CPNE8: variants seen among roughly 807,000 people sequenced by gnomAD.
CPNE8 encodes copine-8.
In CPNE8, 45 loss-of-function variants were observed where a neutral mutation model predicts 81.5. The observed-to-expected ratio is 0.55, with a 90% CI of 0.44 to 0.71. The LOEUF (loss-of-function observed/expected upper bound fraction) is 0.71. Among genes scored for constraint, CPNE8 ranks in the 30% least tolerant of loss-of-function variants. The pLI is 0.00. For missense variants in CPNE8, 594 were observed against 672.1 expected, an observed-to-expected ratio of 0.88 and a Z score of 1.28; for synonymous variants, 252 against 226.3, an observed-to-expected ratio of 1.11 and a Z score of -1.02.
rs529909358 is a variant in CPNE8, at chr12:38,835,240, C to T, written c.330+4676G>A. On this transcript the variant is annotated intron_variant, in intron 5 of 19. Transcript: ENST00000331366. ...ACTGTTCTTCCTTTTGCCTGGGATG[C>T]TGTTCTCCTAGATTTTCAATCATTC... 2.6e-5 allele frequency among the ~76,000 whole-genome samples: 4 copies of T among 152,182 alleles called. No individual in the cohort carries two copies. The South Asian group carries it at 8.3e-4, about 32-fold the overall frequency.
At chr12:38,836,824 T>C (rs931912160) in intron 5 of CPNE8, among the ~76,000 whole-genome samples, 5 of 152,198 alleles carry the variant, frequency 3.3e-5, no homozygotes, top group African/African-American at 1.2e-4. Flanking sequence ...GCTATATGCG[T>C]CTTTACCTAA....
intron 4 of CPNE8, among the ~76,000 whole-genome samples, chr12:38,847,917 C>T (rs975574794): frequency 6.6e-6 from 1 of 151,906 alleles, no homozygotes; most frequent in Non-Finnish European, 1.5e-5. Context: ...ACCCACCTGC[C>T]CACAACAGAT....
At chr12:38,730,437 T>G in intron 10 of CPNE8, 79 bp from the exon 11 acceptor site, 1 of 713,812 alleles carries the variant, frequency 1.4e-6, no homozygotes, top group Non-Finnish European at 2.4e-6. Context: ...TAGAAAGGTT[T>G]AATCATTATC....
chr12:38,775,342 T>C (rs2136888543), intron 7 of CPNE8, among the ~76,000 whole-genome samples: 1 of 152,292 alleles, frequency 6.6e-6, no homozygotes, highest in African/African-American at 2.4e-5. Flanking sequence ...AAAAGACAAC[T>C]TTTTGAGATA....
intron 5 of CPNE8, among the ~76,000 whole-genome samples, chr12:38,836,119 G>A (rs1592129144): frequency 6.6e-6 from 1 of 152,184 alleles, no homozygotes; most frequent in East Asian, 1.9e-4. Flanking sequence ...GTATTTAGTT[G>A]AGTAGGTTCA....
At chr12:38,768,259 G>A (rs1941731147) in intron 7 of CPNE8, among the ~76,000 whole-genome samples, 1 of 151,856 alleles carries the variant, frequency 6.6e-6, no homozygotes, top group African/African-American at 2.4e-5. Context: ...TCATATACAA[G>A]TGTAGTATAA....
chr12:38,693,513 C>A (rs1370540109), intron 15 of CPNE8, 144 bp downstream of exon 15: 6 of 618,552 alleles, frequency 9.7e-6, no homozygotes, highest in Non-Finnish European at 1.6e-5. Context: ...ATTAAGTTCA[C>A]ACTCCAAAGT....
At position 38,655,351 on chromosome 12, in the gene CPNE8, A is replaced by AT. The variant is rs1396943790; in HGVS notation, c.1507-1282dup. Among the ~76,000 whole-genome samples, 3 of 152,214 alleles carry AT rather than the reference A, an allele frequency of 2.0e-5. No individual in the cohort carries two copies. In the East Asian group the frequency reaches 5.8e-4, roughly 29 times the overall value. On this transcript the variant is annotated intron_variant, in intron 19 of 19. Transcript: ENST00000331366. ...TGTGCTGTTTGAGGGCATTAGTTCAATTTTCCCTTAGGGGCATAATGATGC... is the reference window on the plus strand; with the variant it reads ...TGTGCTGTTTGAGGGCATTAGTTCAATTTTTCCCTTAGGGGCATAATGATGC...
intron 6 of CPNE8, among the ~76,000 whole-genome samples, chr12:38,776,511 T>C (rs1941941759): frequency 6.6e-6 from 1 of 151,934 alleles, no homozygotes; most frequent in Non-Finnish European, 1.5e-5. Context: ...GGTTTCGCCA[T>C]GTTGGCCAAG....
At chr12:38,662,420 T>C (rs1216035822) in intron 19 of CPNE8, among the ~76,000 whole-genome samples, 1 of 151,946 alleles carries the variant, frequency 6.6e-6, no homozygotes, top group Non-Finnish European at 1.5e-5. Flanking sequence ...CCAAAAAAAC[T>C]AGAAATACGT....
At chr12:38,866,237 A>T (rs777062486) in intron 3 of CPNE8, among the ~76,000 whole-genome samples, 1 of 152,214 alleles carries the variant, frequency 6.6e-6, no homozygotes, top group Non-Finnish European at 1.5e-5. Flanking sequence ...AATCCCCTCA[A>T]TCAATCACAG....
intron 1 of CPNE8, among the ~76,000 whole-genome samples, chr12:38,881,960 C>T (rs1389934711): frequency 1.3e-5 from 2 of 152,204 alleles, no homozygotes; most frequent in African/African-American, 4.8e-5. Context: ...ACCTAAATCT[C>T]AGGTACAAAA....
Position 38,654,087 on chromosome 12 carries a change from A to C in CPNE8, c.1507-17T>G. On this transcript the variant is annotated splice_polypyrimidine_tract_variant and intron_variant, in intron 19 of 19. Coordinates refer to ENST00000331366, the MANE Select transcript of CPNE8 (RefSeq NM_153634.3). ...TGGCACAAACTAAAACAGAGACGAA[A>C]GAAAGTTATTTCACAGACTTTAGCA... 6.3e-7 allele frequency: 1 copy of C among 1,575,362 alleles called. No homozygotes were observed. The highest frequency in any genetic ancestry group is 8.6e-7 in the Non-Finnish European group (1 of 1,160,340).
intron 6 of CPNE8, among the ~76,000 whole-genome samples, chr12:38,790,114 CAA>C (rs1942288436): frequency 1.3e-5 from 2 of 151,682 alleles, no homozygotes; most frequent in South Asian, 4.1e-4. Flanking sequence ...TAGGTATATA[CAA>C]AAAAGAAATG....
At chr12:38,830,328 T>C (rs1260297656) in intron 5 of CPNE8, among the ~76,000 whole-genome samples, 1 of 152,162 alleles carries the variant, frequency 6.6e-6, no homozygotes, top group Non-Finnish European at 1.5e-5. Flanking sequence ...AAATAGAAAC[T>C]AAAACTCTAG....
intron 17 of CPNE8, 146 bp from the exon 18 acceptor site, chr12:38,675,920 G>T (rs1002688603): frequency 3.2e-5 from 20 of 622,414 alleles, no homozygotes; most frequent in African/African-American, 9.3e-5. Context: ...AGGAGTTTGA[G>T]AACAGCCTGG....
At chr12:38,695,800 G>A (rs1208945892) in intron 14 of CPNE8, among the ~76,000 whole-genome samples, 1 of 152,076 alleles carries the variant, frequency 6.6e-6, no homozygotes, top group Non-Finnish European at 1.5e-5. Context: ...TCAGCTGGGT[G>A]TGGTGGCATG....
rs931610984 is a variant in CPNE8 at position 38,801,014 on chromosome 12, A to G, written c.408-24713T>C. On this transcript the variant is annotated intron_variant, in intron 6 of 19. Transcript: ENST00000331366. ...AAGAAATATGGGACTACGTGAAAAGACCACATCTACGTCTGATTGGTGTAC... is the reference window on the plus strand; with the variant it reads ...AAGAAATATGGGACTACGTGAAAAGGCCACATCTACGTCTGATTGGTGTAC... Among the ~76,000 whole-genome samples, 4 of 150,578 alleles carry G rather than the reference A, an allele frequency of 2.7e-5. 1 individual carries two copies. The highest frequency in any genetic ancestry group is 5.9e-5 in the Non-Finnish European group (4 of 67,732).
At chr12:38,757,476 A>G (rs1002196812) in intron 10 of CPNE8, among the ~76,000 whole-genome samples, 1 of 151,920 alleles carries the variant, frequency 6.6e-6, no homozygotes, top group African/African-American at 2.4e-5. Flanking sequence ...TATAAAATTA[A>G]TATCTGGATT....
Sources: allele counts gnomAD v4.1 joint callset (sites outside exome capture counted in the v4.1 genomes callset), GRCh38; gene constraint gnomAD v4.1.1; transcripts MANE v1.5; gene names NCBI Gene and HGNC (gene_info 2026-07-23, HGNC 2026-07-21).